The following PCED1B variants were observed in gnomAD, a reference collection of about 807,000 sequenced individuals.
The protein encoded by PCED1B is PC-esterase domain-containing protein 1B.
For synonymous variants in PCED1B, 251 were observed against 246.1 expected, an observed-to-expected ratio of 1.02 and a Z score of -0.19; for missense variants, 573 against 573.9, an observed-to-expected ratio of 1.00 and a Z score of 0.02.
intron 3 of PCED1B, among the ~76,000 whole-genome samples, chr12:47,219,636 G>A (rs1413029605): frequency 6.6e-6 from 1 of 152,178 alleles, no homozygotes; most frequent in African/African-American, 2.4e-5. Context: ...CTTTTAAGAA[G>A]ACTAGCTAAC....
At chr12:47,173,403 G>A (rs554223205) in intron 2 of PCED1B, among the ~76,000 whole-genome samples, 5 of 152,126 alleles carry the variant, frequency 3.3e-5, no homozygotes, top group South Asian at 2.1e-4. Context: ...AGAAGCGCCC[G>A]CCACCACGCC....
chr12:47,137,277 T>G (rs1940412550), intron 2 of PCED1B, among the ~76,000 whole-genome samples: 1 of 152,214 alleles, frequency 6.6e-6, no homozygotes, highest in South Asian at 2.1e-4. Flanking sequence ...TGATTAAACA[T>G]GCTAGCTTCT....
intron 2 of PCED1B, among the ~76,000 whole-genome samples, chr12:47,186,312 T>C (rs200280324): frequency 6.9e-5 from 2 of 29,098 alleles, no homozygotes; most frequent in East Asian, 2.9e-3. Flanking sequence ...GAAAATGACT[T>C]TGAGCTTCTA....
chr12:47,160,245 G>T (rs1941324871), intron 2 of PCED1B, among the ~76,000 whole-genome samples: 1 of 134,890 alleles, frequency 7.4e-6, no homozygotes, highest in Non-Finnish European at 1.6e-5. Context: ...TTATTTTGTT[G>T]TTGTTGGCTG....
chr12:47,138,566 C>G (rs1682237690), intron 2 of PCED1B, among the ~76,000 whole-genome samples: 1 of 152,176 alleles, frequency 6.6e-6, no homozygotes, highest in Admixed American at 6.5e-5. Context: ...GTTCCTGGCT[C>G]TCAGATTAGC....
intron 2 of PCED1B, among the ~76,000 whole-genome samples, chr12:47,161,392 G>T (rs1051785321): frequency 3.3e-5 from 5 of 152,104 alleles, no homozygotes; most frequent in African/African-American, 1.2e-4. Flanking sequence ...CATATGTGAG[G>T]GTATGTTTCT....
intron 2 of PCED1B, among the ~76,000 whole-genome samples, chr12:47,162,976 G>A (rs1169160243): frequency 6.6e-6 from 1 of 152,166 alleles, no homozygotes; most frequent in African/African-American, 2.4e-5. Context: ...TCTATCTTTG[G>A]AATTTTAATA....
At chr12:47,143,427 C>T (rs1940671314) in intron 2 of PCED1B, among the ~76,000 whole-genome samples, 1 of 151,910 alleles carries the variant, frequency 6.6e-6, no homozygotes, top group Non-Finnish European at 1.5e-5. Flanking sequence ...GAATGACAAG[C>T]TTACATGAAT....
chr12:47,236,005 G>A lies in PCED1B; in HGVS notation c.942G>A (p.Pro314=), dbSNP rs1028407322. 1.2e-5 allele frequency: 20 copies of A among 1,605,116 alleles called. No individual in the cohort carries two copies. The highest frequency in any genetic ancestry group is 1.6e-5 in the Non-Finnish European group (19 of 1,176,742). Residue 314 remains proline (P), a synonymous_variant, in exon 4 of 4, where the codon CCG becomes CCA. Coordinates refer to ENST00000546455, the MANE Select transcript of PCED1B (RefSeq NM_138371.3). ...GFPPQRLPLL[P]LLSPQPPPPI... is the part of the protein sequence containing the mutation. ...CACCCCAGCGCTTGCCGCTGCTCCC[G>A]CTCCTGTCCCCACAGCCTCCTCCTC...
chr12:47,092,863 C>G (rs993953633), intron 1 of PCED1B, among the ~76,000 whole-genome samples: 3 of 151,988 alleles, frequency 2.0e-5, no homozygotes, highest in Admixed American at 2.0e-4. Context: ...AACTTGCACT[C>G]CATTTACTGT....
In PCED1B at chr12:47,105,492, A is replaced by G. The variant is rs576249817; in HGVS notation, c.-526+1297A>G. On this transcript the variant is annotated intron_variant, in intron 2 of 3. Transcript: ENST00000546455. The stretch of plus-strand genomic sequence containing the variant: ...AAAGAAAAAGTGTGTAGTGCTGTGC[A>G]TGCAGCATTGGTAGAAATGGGCTTG... 7.2e-5 allele frequency among the ~76,000 whole-genome samples: 11 copies of G among 152,326 alleles called. No individual in the cohort carries two copies. In the South Asian group the frequency reaches 2.3e-3, roughly 32 times the overall value.
intron 2 of PCED1B, among the ~76,000 whole-genome samples, chr12:47,207,688 T>C (rs1942953097): frequency 6.6e-6 from 1 of 152,216 alleles, no homozygotes; most frequent in African/African-American, 2.4e-5. Flanking sequence ...AAGTATGCAT[T>C]CCTCTTCATC....
At chr12:47,226,698 C>T (rs1379741787) in intron 3 of PCED1B, among the ~76,000 whole-genome samples, 1 of 152,084 alleles carries the variant, frequency 6.6e-6, no homozygotes, top group East Asian at 1.9e-4. Flanking sequence ...CATACCTAGT[C>T]CTTGCACCCA....
chr12:47,219,906 T>C (rs1266746831), intron 3 of PCED1B, among the ~76,000 whole-genome samples: 2 of 151,982 alleles, frequency 1.3e-5, no homozygotes, highest in African/African-American at 4.8e-5. Flanking sequence ...TATCTAATTA[T>C]TCAGAAGATT....
At chr12:47,172,902 T>C (rs1285941130) in intron 2 of PCED1B, among the ~76,000 whole-genome samples, 2 of 152,196 alleles carry the variant, frequency 1.3e-5, no homozygotes, top group East Asian at 3.8e-4. Flanking sequence ...GAGAAATCAT[T>C]TTGAAACAGA....
chr12:47,161,745 C>G (rs966555697), intron 2 of PCED1B, among the ~76,000 whole-genome samples: 3 of 152,170 alleles, frequency 2.0e-5, no homozygotes, highest in African/African-American at 7.2e-5. Context: ...CCATTTGACC[C>G]AGCCATCCCA....
intron 2 of PCED1B, among the ~76,000 whole-genome samples, chr12:47,116,922 T>C (rs1403366501): frequency 1.3e-5 from 2 of 152,214 alleles, no homozygotes; most frequent in African/African-American, 4.8e-5. Context: ...TATTCACAAA[T>C]AGGTACAGCC....
At position 47,219,038 on chromosome 12, in the gene PCED1B, G is replaced by C. The variant is rs144217848; in HGVS notation, c.-58+2349G>C. On this transcript the variant is annotated intron_variant, in intron 3 of 3. Coordinates refer to ENST00000546455, the MANE Select transcript of PCED1B (RefSeq NM_138371.3). Reference sequence around the variant, plus strand: ...TGCCTGTGATCCCAGCTATTCCGGAGACTGAGGCAGGAGAATCACTTTAGC... The same window carrying C: ...TGCCTGTGATCCCAGCTATTCCGGACACTGAGGCAGGAGAATCACTTTAGC... Among the ~76,000 whole-genome samples the C allele has an allele frequency of 9.7e-3, 1,471 of 152,240 alleles. 23 individuals are homozygous for C. The highest frequency in any genetic ancestry group is 0.029 in the African/African-American group (1,221 of 41,540).
intron 2 of PCED1B, among the ~76,000 whole-genome samples, chr12:47,197,401 GT>G (rs1335891879): frequency 1.3e-5 from 2 of 150,258 alleles, no homozygotes; most frequent in African/African-American, 4.9e-5. Flanking sequence ...GAGGTCAGGA[GT>G]TTGAGACCAG....
Sources: gnomAD v4.1 joint callset for allele counts (sites outside exome capture counted in the v4.1 genomes callset) on GRCh38, gnomAD v4.1.1 for gene constraint, MANE v1.5 for transcripts, NCBI Gene and HGNC (gene_info 2026-07-23, HGNC 2026-07-21) for gene names.